The following MECOM variants were observed in gnomAD, a reference collection of about 807,000 sequenced individuals.
MECOM encodes MDS1 and EVI1 complex locus.
Under a neutral mutation model 116.3 loss-of-function variants are expected in MECOM, and 13 were observed. That is an observed-to-expected ratio of 0.11 (90% CI 0.07 to 0.18). The LOEUF (loss-of-function observed/expected upper bound fraction) is 0.18, where lower values mean the gene tolerates loss of function less well. Ranked by LOEUF, MECOM falls within the 10% of genes least tolerant of loss-of-function variation. MECOM has a pLI of 1.00. For missense variants in MECOM, 1,299 were observed against 1,509.0 expected, an observed-to-expected ratio of 0.86 and a Z score of 2.31; for synonymous variants, 528 against 535.2, an observed-to-expected ratio of 0.99 and a Z score of 0.19.
chr3:169,147,384 G>C (rs1056481922), intron 2 of MECOM: 2 of 985,388 alleles, frequency 2.0e-6, no homozygotes, highest in Middle Eastern at 5.2e-4. Flanking sequence ...TTCATGAACT[G>C]TCTCTTTAAA....
chr3:169,116,534 A>G lies in MECOM; in HGVS notation c.1338T>C (p.Pro446=). The change falls in exon 8 of 17, where the codon CCT becomes CCC. Residue 446 remains proline, a synonymous_variant. Transcript: ENST00000651503. ...GGFFGQGISL[P]GTPAMDKTSM... is the part of the protein sequence containing the mutation. ...ACGTTTTATCCATAGCTGGGGTTCC[A>G]GGAAGTGAAATGCCTTGGCCAAAAA... is the stretch of plus-strand genomic sequence containing the variant. 7 of 1,614,214 alleles carry G rather than the reference A, an allele frequency of 4.3e-6. No homozygotes were observed. Among genetic ancestry groups the G allele is most frequent in the Non-Finnish European group, 5.9e-6 (7 of 1,180,022 alleles).
chr3:169,577,824 G>A lies in MECOM; in HGVS notation c.37+85512C>T, dbSNP rs545399400. On this transcript the variant is annotated intron_variant, in intron 1 of 16. Transcript: ENST00000651503. ...ACTTGTTATTTCTACAGAGGACCTG[G>A]AGGAGATGGGAGAGGTAAACTTCAA... Among the ~76,000 whole-genome samples, 133 of 152,228 alleles carry A rather than the reference G, an allele frequency of 8.7e-4. 1 individual carries two copies. Among genetic ancestry groups the A allele is most frequent in the African/African-American group, 3.2e-3 (131 of 41,554 alleles).
intron 1 of MECOM, among the ~76,000 whole-genome samples, chr3:169,555,031 T>C (rs1262205448): frequency 6.6e-6 from 1 of 152,262 alleles, no homozygotes; most frequent in Non-Finnish European, 1.5e-5. Flanking sequence ...CTTTAACTTC[T>C]AAATAAGTTT....
At chr3:169,488,960 C>T (rs1752739879) in intron 1 of MECOM, among the ~76,000 whole-genome samples, 1 of 150,828 alleles carries the variant, frequency 6.6e-6, no homozygotes, top group Admixed American at 6.6e-5. Context: ...AGTAAAATAC[C>T]TTTTAAACTA....
At chr3:169,236,014 T>C (rs1383776270) in intron 2 of MECOM, among the ~76,000 whole-genome samples, 1 of 152,140 alleles carries the variant, frequency 6.6e-6, no homozygotes, top group Non-Finnish European at 1.5e-5. Flanking sequence ...GGGCTAGCTA[T>C]ATGTGGTACA....
At chr3:169,172,885 T>A (rs1437404563) in intron 2 of MECOM, among the ~76,000 whole-genome samples, 1 of 152,154 alleles carries the variant, frequency 6.6e-6, no homozygotes. Flanking sequence ...CCAATGCTTG[T>A]CTTATTGGAT....
chr3:169,333,844 C>T (rs1331050826), intron 2 of MECOM, among the ~76,000 whole-genome samples: 1 of 150,604 alleles, frequency 6.6e-6, no homozygotes, highest in African/African-American at 2.4e-5. Flanking sequence ...TCCCTACCTC[C>T]CCGCCTTCCT....
chr3:169,391,039 CA>C (rs1301332019), intron 1 of MECOM, among the ~76,000 whole-genome samples: 1 of 152,086 alleles, frequency 6.6e-6, no homozygotes, highest in Non-Finnish European at 1.5e-5. Context: ...CCTATTACCA[CA>C]AAACAGAAGA....
At chr3:169,472,292 T>C (rs1374136426) in intron 1 of MECOM, among the ~76,000 whole-genome samples, 1 of 148,200 alleles carries the variant, frequency 6.7e-6, no homozygotes, top group Non-Finnish European at 1.5e-5. Flanking sequence ...AAAACAATAA[T>C]AATAATATAT....
chr3:169,270,383 G>GTATC lies in MECOM; in HGVS notation c.375+110800_375+110803dup, dbSNP rs201430289. On this transcript the variant is annotated intron_variant, in intron 2 of 16. Coordinates refer to ENST00000651503, the MANE Select transcript of MECOM (RefSeq NM_004991.4). ...AAGGTTCCAGATTATATCTATATCTGTATCTATCTATCTATCTATATATAC... is the reference window on the plus strand; with the variant it reads ...AAGGTTCCAGATTATATCTATATCTGTATCTATCTATCTATCTATCTATATATAC... 2.6e-4 allele frequency among the ~76,000 whole-genome samples: 39 copies of GTATC among 151,894 alleles called. 1 individual carries two copies. The highest frequency in any genetic ancestry group is 2.5e-3 in the East Asian group (13 of 5,170).
chr3:169,370,176 A>G (rs538684619), intron 2 of MECOM, among the ~76,000 whole-genome samples: 35 of 152,148 alleles, frequency 2.3e-4, no homozygotes, highest in African/African-American at 7.7e-4. Context: ...AAACATACAC[A>G]TAGACTGATG....
intron 3 of MECOM, among the ~76,000 whole-genome samples, chr3:169,136,294 T>C (rs1736339277): frequency 6.6e-6 from 1 of 151,524 alleles, no homozygotes. Flanking sequence ...AAAGTATATG[T>C]TTTGGAGAAA....
chr3:169,211,467 T>G (rs1750721491), intron 2 of MECOM, among the ~76,000 whole-genome samples: 1 of 152,180 alleles, frequency 6.6e-6, no homozygotes, highest in Non-Finnish European at 1.5e-5. Flanking sequence ...TCTTCTGTGG[T>G]CTTGTCAAAT....
At chr3:169,326,232 A>T (rs1721806925) in intron 2 of MECOM, among the ~76,000 whole-genome samples, 2 of 152,220 alleles carry the variant, frequency 1.3e-5, no homozygotes, top group African/African-American at 4.8e-5. Context: ...AGAAAACAAC[A>T]CAGGCAAAAC....
chr3:169,496,044 G>A (rs1427546557), intron 1 of MECOM, among the ~76,000 whole-genome samples: 1 of 152,194 alleles, frequency 6.6e-6, no homozygotes, highest in African/African-American at 2.4e-5. Context: ...ATGAGGACAT[G>A]CAAAGCTTTT....
chr3:169,087,828 A>G (rs1290614992), intron 16 of MECOM, among the ~76,000 whole-genome samples: 2 of 152,182 alleles, frequency 1.3e-5, no homozygotes, highest in Non-Finnish European at 2.9e-5. Flanking sequence ...CCCCTTTTAC[A>G]ATGAAGAAAT....
intron 1 of MECOM, among the ~76,000 whole-genome samples, chr3:169,558,030 T>A (rs1341010101): frequency 1.3e-5 from 2 of 152,218 alleles, no homozygotes; most frequent in Admixed American, 1.3e-4. Context: ...CAGGATTTTT[T>A]AAAAGATTTT....
At chr3:169,601,536 G>A (rs1767833288) in intron 1 of MECOM, among the ~76,000 whole-genome samples, 1 of 152,182 alleles carries the variant, frequency 6.6e-6, no homozygotes, top group Non-Finnish European at 1.5e-5. Context: ...CTGCGCCGCA[G>A]TAGAAAAACA....
At chr3:169,286,888 C>G (rs991180680) in intron 2 of MECOM, among the ~76,000 whole-genome samples, 5 of 152,002 alleles carry the variant, frequency 3.3e-5, no homozygotes, top group Admixed American at 1.3e-4. Context: ...ATCTCATTTC[C>G]TCAGTGCTGA....
Sources: allele counts gnomAD v4.1 joint callset (sites outside exome capture counted in the v4.1 genomes callset), GRCh38; gene constraint gnomAD v4.1.1; transcripts MANE v1.5; gene names NCBI Gene and HGNC (gene_info 2026-07-23, HGNC 2026-07-21).